The following ABCB7 variants were observed in gnomAD, a reference collection of about 807,000 sequenced individuals.
ABCB7 encodes the protein ATP binding cassette subfamily B member 7.
ABCB7 carries 7 observed loss-of-function variants against 54.4 expected under a neutral mutation model. The observed-to-expected ratio is 0.13, with a 90% confidence interval of 0.07 to 0.24. ABCB7 has a LOEUF of 0.24. Ranked by LOEUF, ABCB7 falls within the 10% of genes least tolerant of loss-of-function variation. The pLI, the probability that ABCB7 is intolerant of heterozygous loss-of-function variation, is 1.00. For synonymous variants in ABCB7, 218 were observed against 207.1 expected (o/e 1.05, Z -0.45); for missense variants, 356 against 570.4 (o/e 0.62, Z 3.83).
chrX:75,076,452 C>T (rs962186545), intron 5 of ABCB7, 70 bp downstream of exon 5: 1 of 1,153,358 alleles, frequency 8.7e-7, no homozygotes, highest in Admixed American at 2.2e-5. Context: ...AAAAGGTCAT[C>T]TGCTCAAATA....
chrX:75,147,157 T>C (rs1188687350), intron 1 of ABCB7, among the ~76,000 whole-genome samples: 2 of 109,774 alleles, frequency 1.8e-5, no homozygotes, highest in African/African-American at 6.6e-5. Flanking sequence ...TATTAAAAAG[T>C]CAAAAAATAA....
Position 75,139,211 on chromosome X carries a change from C to T in ABCB7, c.168+16894G>A, listed in dbSNP as rs770350307. Among the ~76,000 whole-genome samples the T allele has an allele frequency of 1.7e-4, 19 of 110,967 alleles. No homozygotes were observed. In the South Asian group the frequency reaches 7.3e-3, roughly 43 times the overall value. ...TCTGCTCAAAATTATCTAATAGCTCCCTAATAACTCCAAACACCCTTGGAA... is the reference window on the plus strand; with the variant it reads ...TCTGCTCAAAATTATCTAATAGCTCTCTAATAACTCCAAACACCCTTGGAA... On this transcript the variant is annotated intron_variant, in intron 1 of 15. Transcript: ENST00000373394.
At chrX:75,070,337 T>C (rs1307579607) in intron 10 of ABCB7, 28 bp downstream of exon 10, 5 of 1,180,801 alleles carry the variant, frequency 4.2e-6, no homozygotes, top group Non-Finnish European at 5.8e-6. Flanking sequence ...TCACATACTT[T>C]TGAAAAGGTA....
rs190165721 is a variant in ABCB7 at position 75,073,993 on chromosome X, T to C, written c.856-37A>G. The C allele has an allele frequency of 5.6e-3, 6,023 of 1,074,273 alleles. 28 individuals carry two copies. The highest frequency in any genetic ancestry group is 5.5e-3 in the Non-Finnish European group (4,271 of 773,310). 88.5% of individuals were successfully genotyped at this position (1,074,273 alleles called of 1,213,427 possible). On this transcript the variant is annotated intron_variant, in intron 6 of 15. Transcript: ENST00000373394. ...AGTCCAAAGAAGAAACGTGAAACAG[T>C]TATTGTTCTTCCCAAACAGTTTGTA...
chrX:75,129,121 A>G (rs1263467312), intron 1 of ABCB7, among the ~76,000 whole-genome samples: 4 of 112,141 alleles, frequency 3.6e-5, no homozygotes, highest in Non-Finnish European at 5.6e-5. Flanking sequence ...ATTATAAATC[A>G]TGCTACTATA....
intron 12 of ABCB7, among the ~76,000 whole-genome samples, chrX:75,066,664 CAAT>C (rs1457446324): frequency 1.9e-5 from 2 of 105,618 alleles, no homozygotes; most frequent in Admixed American, 1.1e-4. Context: ...TAAATATATA[CAAT>C]AATGTTTAAT....
chrX:75,073,090 T>C lies in ABCB7; in HGVS notation c.1032+599A>G, dbSNP rs1470728182. On this transcript the variant is annotated intron_variant, in intron 8 of 15. Coordinates refer to ENST00000373394, the MANE Select transcript of ABCB7 (RefSeq NM_001271696.3). ...GGGGCAATAACATGCATGGAGCTGT[T>C]ATCTCCCATGACAACAATGCCTTCT... is the stretch of plus-strand genomic sequence containing the variant. 4.5e-5 allele frequency among the ~76,000 whole-genome samples: 5 copies of C among 110,820 alleles called. No individual in the cohort carries two copies. In the Admixed American group the frequency reaches 4.8e-4, roughly 11 times the overall value.
At chrX:75,129,541 C>A (rs1311282877) in intron 1 of ABCB7, among the ~76,000 whole-genome samples, 4 of 108,224 alleles carry the variant, frequency 3.7e-5, no homozygotes. Flanking sequence ...CACATGTATA[C>A]CTATGTAACA....
chrX:75,131,274 T>C (rs1012749537), intron 1 of ABCB7, among the ~76,000 whole-genome samples: 4 of 109,546 alleles, frequency 3.7e-5, no homozygotes, highest in Non-Finnish European at 7.6e-5. Flanking sequence ...GAAAGAATGT[T>C]GAGCCTAGAG....
At chrX:75,074,046 G>T (rs1287132766) in intron 6 of ABCB7, 90 bp from the exon 7 acceptor site, 11 of 758,883 alleles carry the variant, frequency 1.4e-5, no homozygotes, top group Non-Finnish European at 2.2e-5. Context: ...TCGGTCAAAA[G>T]ATTTTAACAA....
rs574834062 is a variant in ABCB7, at chrX:75,131,623, T to C, written c.169-16792A>G. Reference sequence around the variant, plus strand: ...AAAGACTACACACAGACCGCCATTTTTGCTGCTGCTACAGCTCCCACCCCA... The same window carrying C: ...AAAGACTACACACAGACCGCCATTTCTGCTGCTGCTACAGCTCCCACCCCA... On this transcript the variant is annotated intron_variant, in intron 1 of 15. Transcript: ENST00000373394. Among the ~76,000 whole-genome samples, 9 of 111,585 alleles carry C rather than the reference T, an allele frequency of 8.1e-5. No homozygotes were observed. The South Asian group carries it at 3.4e-3, about 42-fold the overall frequency.
In ABCB7 at chrX:75,051,094, A is replaced by G. The variant is rs1167980992; in HGVS notation, c.*2276T>C. 9.2e-6 allele frequency among the ~76,000 whole-genome samples: 1 copy of G among 109,160 alleles called. No homozygotes were observed. The highest frequency in any genetic ancestry group is 1.9e-5 in the Non-Finnish European group (1 of 52,408). 94.8% of individuals were successfully genotyped at this position (109,160 alleles called of 115,157 possible). ...TATTAAAAGTACTCACCCCACCCCCAGAAGAGCAGTAACAACTATGGTTTC... is the reference window on the plus strand; with the variant it reads ...TATTAAAAGTACTCACCCCACCCCCGGAAGAGCAGTAACAACTATGGTTTC... On this transcript the variant is annotated 3_prime_UTR_variant, in exon 16 of 16. Coordinates refer to ENST00000373394, the MANE Select transcript of ABCB7 (RefSeq NM_001271696.3).
intron 10 of ABCB7, among the ~76,000 whole-genome samples, chrX:75,069,824 CT>C (rs1183291251): frequency 9.0e-6 from 1 of 111,198 alleles, no homozygotes; most frequent in Non-Finnish European, 1.9e-5. Context: ...ACAAAATTTA[CT>C]TTCTAGTATA....
chrX:75,117,112 C>T (rs1289221575), intron 1 of ABCB7, among the ~76,000 whole-genome samples: 1 of 111,440 alleles, frequency 9.0e-6, no homozygotes, highest in Non-Finnish European at 1.9e-5. Context: ...AATAAACTTG[C>T]TTTCCCTTTT....
At chrX:75,109,645 C>T (rs2081740201) in intron 3 of ABCB7, among the ~76,000 whole-genome samples, 2 of 111,384 alleles carry the variant, frequency 1.8e-5, no homozygotes, top group South Asian at 7.4e-4. Context: ...AAAGAAACTA[C>T]TTGGGGACAA....
intron 9 of ABCB7, 39 bp downstream of exon 9, chrX:75,071,470 T>C (rs1602341619): frequency 1.7e-6 from 2 of 1,191,992 alleles, no homozygotes; most frequent in Non-Finnish European, 1.1e-6. Context: ...TTTATAAAAG[T>C]TGAACAGCCT....
At chrX:75,089,835 T>A (rs2081530560) in intron 4 of ABCB7, among the ~76,000 whole-genome samples, 1 of 110,032 alleles carries the variant, frequency 9.1e-6, no homozygotes, top group South Asian at 3.8e-4. Flanking sequence ...TAAAAGATGA[T>A]CCAATTACAG....
chrX:75,066,759 C>T (rs761514948), intron 12 of ABCB7, among the ~76,000 whole-genome samples: 2 of 111,558 alleles, frequency 1.8e-5, no homozygotes, highest in South Asian at 3.7e-4. Context: ...TTTTTCTCTA[C>T]TGCAATGTAT....
chrX:75,063,658 T>C (rs770711666), intron 13 of ABCB7, among the ~76,000 whole-genome samples: 1 of 111,315 alleles, frequency 9.0e-6, no homozygotes, highest in Admixed American at 9.6e-5. Flanking sequence ...AGGACTAGTT[T>C]TGAAGTGCCT....
Sources: gnomAD v4.1 joint callset for allele counts (sites outside exome capture counted in the v4.1 genomes callset) on GRCh38, gnomAD v4.1.1 for gene constraint, MANE v1.5 for transcripts, NCBI Gene and HGNC (gene_info 2026-07-23, HGNC 2026-07-21) for gene names.